Variants in FUT9 observed in about 807,000 individuals in gnomAD.
FUT9 encodes fucosyltransferase 9.
Under a neutral mutation model 29.7 loss-of-function variants are expected in FUT9, and 15 were observed. That is an observed-to-expected ratio of 0.51 (90% CI 0.34 to 0.78). The LOEUF (loss-of-function observed/expected upper bound fraction) is 0.78. FUT9 is among the 30% of genes least tolerant of loss of function. FUT9 has a pLI of 0.01. For synonymous variants in FUT9, 169 were observed against 153.7 expected (o/e 1.10, Z -0.74); for missense variants, 319 against 425.4 (o/e 0.75, Z 2.20).
At chr6:96,189,704 T>G (rs1392289819) in intron 2 of FUT9, among the ~76,000 whole-genome samples, 1 of 152,276 alleles carries the variant, frequency 6.6e-6, no homozygotes, top group South Asian at 2.1e-4. Flanking sequence ...TTAAAGTCTG[T>G]TTTATCAGAG....
At chr6:96,046,111 A>C (rs1770558653) in intron 1 of FUT9, among the ~76,000 whole-genome samples, 1 of 151,702 alleles carries the variant, frequency 6.6e-6, no homozygotes, top group South Asian at 2.1e-4. Flanking sequence ...AATAGTATTC[A>C]GATCCCTTGA....
chr6:96,083,355 T>C (rs1417380988), intron 1 of FUT9, among the ~76,000 whole-genome samples: 9 of 152,210 alleles, frequency 5.9e-5, no homozygotes. Flanking sequence ...GCCAAAATTT[T>C]GGAGTTGCAA....
intron 1 of FUT9, among the ~76,000 whole-genome samples, 184 bp from the exon 2 acceptor site, chr6:96,113,853 CAA>C (rs11316093): frequency 0.3 from 37,186 of 124,840 alleles, 5,520 homozygotes; most frequent in Non-Finnish European, 0.38. Flanking sequence ...GACTCCATCT[CAA>C]AAAAAAAAAA....
intron 1 of FUT9, among the ~76,000 whole-genome samples, chr6:96,111,252 C>T (rs938145286): frequency 6.6e-6 from 1 of 152,056 alleles, no homozygotes; most frequent in Non-Finnish European, 1.5e-5. Flanking sequence ...GTGTCTCTTT[C>T]CCACCTCTAC....
At chr6:96,041,643 T>C (rs994616870) in intron 1 of FUT9, among the ~76,000 whole-genome samples, 2 of 152,160 alleles carry the variant, frequency 1.3e-5, no homozygotes, top group Non-Finnish European at 2.9e-5. Context: ...TGGACACTAG[T>C]TTTTCCTTCA....
At chr6:96,164,667 C>A (rs1772981084) in intron 2 of FUT9, among the ~76,000 whole-genome samples, 1 of 152,092 alleles carries the variant, frequency 6.6e-6, no homozygotes, top group South Asian at 2.1e-4. Context: ...CAGCTATGCC[C>A]AAATTCCAAA....
At chr6:96,107,985 T>C in intron 1 of FUT9, among the ~76,000 whole-genome samples, 1 of 82,284 alleles carries the variant, frequency 1.2e-5, no homozygotes, top group African/African-American at 4.8e-5. Context: ...TCATGGCCAC[T>C]TTTTTTTTTT....
intron 2 of FUT9, among the ~76,000 whole-genome samples, chr6:96,131,162 C>CA (rs1261231852): frequency 2.0e-5 from 3 of 151,868 alleles, no homozygotes; most frequent in African/African-American, 7.3e-5. Flanking sequence ...TCTAAATTAT[C>CA]ATCACAATAG....
At chr6:96,056,989 A>T (rs2127941600) in intron 1 of FUT9, among the ~76,000 whole-genome samples, 1 of 152,310 alleles carries the variant, frequency 6.6e-6, no homozygotes, top group Non-Finnish European at 1.5e-5. Flanking sequence ...TGAGATATCC[A>T]ATACTTTATT....
chr6:96,150,224 G>A (rs374002679), intron 2 of FUT9, among the ~76,000 whole-genome samples: 4 of 152,286 alleles, frequency 2.6e-5, no homozygotes, highest in African/African-American at 9.6e-5. Flanking sequence ...AATGACATTA[G>A]AATTCAGAAT....
At chr6:96,163,575 T>C (rs1023934156) in intron 2 of FUT9, among the ~76,000 whole-genome samples, 2 of 152,224 alleles carry the variant, frequency 1.3e-5, no homozygotes, top group African/African-American at 4.8e-5. Context: ...TACAGCTGTT[T>C]CTGTACCTCA....
At chr6:96,116,132 A>G (rs1040315658) in intron 2 of FUT9, among the ~76,000 whole-genome samples, 1 of 152,232 alleles carries the variant, frequency 6.6e-6, no homozygotes, top group Non-Finnish European at 1.5e-5. Flanking sequence ...CTGGTAAAAT[A>G]TCTGAGCTTT....
chr6:96,174,422 T>C (rs963369785), intron 2 of FUT9, among the ~76,000 whole-genome samples: 1 of 152,212 alleles, frequency 6.6e-6, no homozygotes, highest in Middle Eastern at 3.4e-3. Context: ...TGATGGCAAA[T>C]TATAATAAGA....
At chr6:96,067,393 T>C (rs1419970881) in intron 1 of FUT9, among the ~76,000 whole-genome samples, 1 of 122,402 alleles carries the variant, frequency 8.2e-6, no homozygotes, top group African/African-American at 2.9e-5. Context: ...AATTTTATCC[T>C]GTATGAAACA....
chr6:96,215,209 T>C lies in FUT9; in HGVS notation c.*10974T>C, dbSNP rs1292070847. Reference sequence around the variant, plus strand: ...CAGAGAAAATCTGTATATTCAGCTATTTGGAGAACTCGTGTTTTCCACAAA... The same window carrying C: ...CAGAGAAAATCTGTATATTCAGCTACTTGGAGAACTCGTGTTTTCCACAAA... On this transcript the variant is annotated 3_prime_UTR_variant, in exon 3 of 3. Transcript: ENST00000302103. The C allele has an allele frequency of 1.2e-5, 2 of 167,056 alleles. No homozygotes were observed. Among genetic ancestry groups the C allele is most frequent in the Non-Finnish European group, 2.9e-5 (2 of 68,104 alleles). 10.3% of individuals were successfully genotyped at this position (167,056 alleles called of 1,614,324 possible).
intron 1 of FUT9, among the ~76,000 whole-genome samples, chr6:96,046,104 A>C (rs2127935610): frequency 6.6e-6 from 1 of 151,950 alleles, no homozygotes; most frequent in African/African-American, 2.4e-5. Context: ...CATGTGGAAT[A>C]GTATTCAGAT....
chr6:96,086,674 A>G (rs1771321679), intron 1 of FUT9, among the ~76,000 whole-genome samples: 1 of 152,112 alleles, frequency 6.6e-6, no homozygotes, highest in African/African-American at 2.4e-5. Flanking sequence ...TAGGAACCCA[A>G]GTTTATTTTT....
At chr6:96,091,380 G>A (rs949447969) in intron 1 of FUT9, among the ~76,000 whole-genome samples, 7 of 151,910 alleles carry the variant, frequency 4.6e-5, no homozygotes, top group African/African-American at 1.5e-4. Flanking sequence ...AATTCATTGG[G>A]ACCCTTCTGT....
At chr6:96,025,340 A>G (rs999487676) in intron 1 of FUT9, among the ~76,000 whole-genome samples, 1 of 151,736 alleles carries the variant, frequency 6.6e-6, no homozygotes, top group Non-Finnish European at 1.5e-5. Context: ...TTTGTTATTT[A>G]GCTTGCAATG....
Sources: gnomAD v4.1 joint callset for allele counts (sites outside exome capture counted in the v4.1 genomes callset) on GRCh38, gnomAD v4.1.1 for gene constraint, MANE v1.5 for transcripts, NCBI Gene and HGNC (gene_info 2026-07-23, HGNC 2026-07-21) for gene names.